The following DAPK1 variants were observed in gnomAD, a reference collection of about 807,000 sequenced individuals.
DAPK1 encodes the protein death-associated protein kinase 1.
A neutral mutation model predicts 144.9 loss-of-function variants in DAPK1; 56 were observed. The observed-to-expected ratio is 0.39, with a 90% CI of 0.31 to 0.48. DAPK1 has a LOEUF of 0.48. DAPK1 is among the 20% of genes least tolerant of loss of function. The pLI, the probability that DAPK1 is intolerant of heterozygous loss-of-function variation, is 0.95. For synonymous variants in DAPK1, 690 were observed against 749.0 expected, an observed-to-expected ratio of 0.92 and a Z score of 1.29; for missense variants, 1,454 against 1,875.4, an observed-to-expected ratio of 0.78 and a Z score of 4.15.
intron 2 of DAPK1, chr9:87,553,496 CTTTTTTTTTT>C (rs869260287): frequency 3.7e-5 from 3 of 80,472 alleles, no homozygotes; most frequent in African/African-American, 1.1e-4. Context: ...CTTTTCTTTT[CTTTTTTTTTT>C]TTTTTTTGAG....
intron 2 of DAPK1, among the ~76,000 whole-genome samples, chr9:87,559,410 G>A (rs576077171): frequency 5.5e-4 from 84 of 152,188 alleles, no homozygotes; most frequent in Admixed American, 1.4e-3. Context: ...GTTCTGTGCC[G>A]CCCAGTGTGG....
At chr9:87,657,907 G>T in intron 17 of DAPK1, 122 bp from the exon 18 acceptor site, 1 of 701,830 alleles carries the variant, frequency 1.4e-6, no homozygotes. Flanking sequence ...CAGGAGAAGG[G>T]AGATGGCTCC....
At chr9:87,655,583 GAAATAA>G (rs1830603556) in intron 17 of DAPK1, among the ~76,000 whole-genome samples, 3 of 152,144 alleles carry the variant, frequency 2.0e-5, no homozygotes, top group Non-Finnish European at 4.4e-5. Flanking sequence ...AGTTCCTCCA[GAAATAA>G]AAATGGCCAT....
chr9:87,658,127 GGT>G lies in DAPK1; in HGVS notation c.1923+2_1923+3del. ...GAGCCAGCGTTGAGGCGCTGACCACGGTGAGTGCCCACAGGGCTTCGTGAAGG... is the reference window on the plus strand; with the variant it reads ...GAGCCAGCGTTGAGGCGCTGACCACGGAGTGCCCACAGGGCTTCGTGAAGG... On this transcript the variant is annotated splice_donor_variant, in intron 18 of 25. Transcript: ENST00000408954. LOFTEE classifies it high-confidence loss of function. 1 of 1,274,796 alleles carries G rather than the reference GGT, an allele frequency of 7.8e-7. No homozygotes were observed. Among genetic ancestry groups the G allele is most frequent in the Non-Finnish European group, 1.1e-6 (1 of 873,316 alleles). 79.0% of individuals were successfully genotyped at this position (1,274,796 alleles called of 1,614,324 possible). A position where few individuals can be genotyped will look rare whatever the true frequency, so the allele number is the denominator to read the frequency against.
chr9:87,564,786 C>A (rs1400873597), intron 2 of DAPK1, among the ~76,000 whole-genome samples: 4 of 152,180 alleles, frequency 2.6e-5, no homozygotes, highest in African/African-American at 9.7e-5. Context: ...CACCTCTTAA[C>A]GGTCTCACCT....
intron 2 of DAPK1, among the ~76,000 whole-genome samples, chr9:87,564,839 C>T (rs1290558404): frequency 6.6e-6 from 1 of 152,146 alleles, no homozygotes; most frequent in Non-Finnish European, 1.5e-5. Flanking sequence ...AACACATCAA[C>T]TTGGGGAACA....
intron 3 of DAPK1, among the ~76,000 whole-genome samples, chr9:87,624,514 A>C (rs1050263132): frequency 3.3e-5 from 5 of 152,232 alleles, no homozygotes; most frequent in Non-Finnish European, 5.9e-5. Flanking sequence ...ATTCAAGGCG[A>C]TGCAGCAAAA....
chr9:87,618,881 A>C (rs1829192388), intron 3 of DAPK1, among the ~76,000 whole-genome samples: 1 of 152,202 alleles, frequency 6.6e-6, no homozygotes, highest in Non-Finnish European at 1.5e-5. Flanking sequence ...TGAGTGGTAC[A>C]CTTTAAAAGA....
intron 20 of DAPK1, chr9:87,681,877 T>C: frequency 1.8e-6 from 1 of 554,186 alleles, no homozygotes; most frequent in Non-Finnish European, 3.2e-6. Flanking sequence ...GACACAAAGG[T>C]CCATCCTCAT....
Position 87,648,727 on chromosome 9 carries a change from C to T in DAPK1, c.1330-54C>T, listed in dbSNP as rs947085324. The T allele has an allele frequency of 1.1e-5, 16 of 1,518,872 alleles. 1 individual carries two copies. The South Asian group carries it at 1.6e-4, about 15-fold the overall frequency. The allele number at this position is 1,518,872 out of a possible 1,614,324, so 94.1% of individuals were successfully genotyped here. On this transcript the variant is annotated intron_variant, in intron 14 of 25. Coordinates refer to ENST00000408954, the MANE Select transcript of DAPK1 (RefSeq NM_004938.4). ...GGGTGTAGGCCTTGGGTTCTGGTCT[C>T]CATAGCCTGCTCACAGATGTGGCTC...
At chr9:87,509,716 C>G (rs918349159) in intron 2 of DAPK1, among the ~76,000 whole-genome samples, 1 of 152,208 alleles carries the variant, frequency 6.6e-6, no homozygotes, top group Non-Finnish European at 1.5e-5. Context: ...AATTGTCTTC[C>G]TAGATATTGG....
intron 2 of DAPK1, among the ~76,000 whole-genome samples, chr9:87,528,427 A>G (rs1226714310): frequency 6.6e-6 from 1 of 152,050 alleles, no homozygotes; most frequent in African/African-American, 2.4e-5. Context: ...CACGTTGGCC[A>G]GGCTGGTCTC....
chr9:87,525,253 C>A, intron 2 of DAPK1: 1 of 1,376,044 alleles, frequency 7.3e-7, no homozygotes. Flanking sequence ...CTAAAAAATG[C>A]GTTGAATAGA....
intron 2 of DAPK1, among the ~76,000 whole-genome samples, chr9:87,535,767 T>C (rs139843187): frequency 1.4e-3 from 210 of 152,282 alleles, no homozygotes; most frequent in African/African-American, 4.8e-3. Context: ...TAGGCAACGG[T>C]ATAGTAATAT....
chr9:87,531,479 G>A (rs1416673403), intron 2 of DAPK1, among the ~76,000 whole-genome samples: 4 of 152,214 alleles, frequency 2.6e-5, no homozygotes, highest in Non-Finnish European at 1.5e-5. Context: ...TGTAGGTGGT[G>A]AAGGGAGAAG....
rs201991862 is a variant in DAPK1, at chr9:87,706,565, C to T, written c.3494C>T (p.Ala1165Val). Residue 1165 changes from alanine to valine, a missense_variant, in exon 26 of 26, where the codon GCG (alanine) becomes GTG (valine). Ala to Val is a moderately conservative substitution (Grantham distance 64, BLOSUM62 0). Coordinates refer to ENST00000408954, the MANE Select transcript of DAPK1 (RefSeq NM_004938.4). The surrounding 1 kb of genome is among the most constrained non-coding windows in gnomAD (Gnocchi z 9.0). ...CACCAGCAAAGCACAGAGGGCGACG[C>T]GGACATCCGCCTGTGGGTGAATGGC... ...WIHQQSTEGDADIRLWVNGCK... is the reference protein window; with the variant it reads ...WIHQQSTEGDVDIRLWVNGCK... The T allele has an allele frequency of 2.4e-5, 39 of 1,613,738 alleles. No homozygotes were observed. The East Asian group carries it at 3.1e-4, about 13-fold the overall frequency.
chr9:87,511,477 T>C (rs1824840285), intron 2 of DAPK1, among the ~76,000 whole-genome samples: 2 of 152,074 alleles, frequency 1.3e-5, no homozygotes, highest in South Asian at 2.1e-4. Context: ...GAGATGCATT[T>C]AAGGAAGCAG....
rs1830443451 is a variant in DAPK1 at position 87,651,564 on chromosome 9, G to A, written c.1664G>A (p.Cys555Tyr). Residue 555 changes from cysteine (C) to tyrosine (Y), a missense_variant, in exon 17 of 26, where the codon TGT becomes TAT. Cys to Tyr is a radical substitution (Grantham distance 194). Around this residue, in one of 2 missense-constraint regions of DAPK1, gnomAD observed 1,025 missense variants for 1,237.9 expected, o/e 0.83. Transcript: ENST00000408954. ...HIALHLAVRR[C>Y]QMEVIKTLLS... ...GCCCTTCATCTGGCTGTAAGACGGTGTCAGATGGAGGTAATCAAGACTCTC... is the reference window on the plus strand; with the variant it reads ...GCCCTTCATCTGGCTGTAAGACGGTATCAGATGGAGGTAATCAAGACTCTC... 6.2e-7 allele frequency: 1 copy of A among 1,614,064 alleles called. No individual in the cohort carries two copies. The highest frequency in any genetic ancestry group is 1.3e-5 in the African/African-American group (1 of 74,930).
intron 21 of DAPK1, among the ~76,000 whole-genome samples, chr9:87,691,142 G>C (rs899090571): frequency 6.6e-6 from 1 of 151,830 alleles, no homozygotes; most frequent in Admixed American, 6.6e-5. Flanking sequence ...TCTCTTTTTG[G>C]GGAGGCTTTT....
Sources: allele counts gnomAD v4.1 joint callset (sites outside exome capture counted in the v4.1 genomes callset), GRCh38; gene constraint gnomAD v4.1.1; regional missense constraint gnomAD v4.1.1; non-coding constraint Gnocchi (gnomAD v3.1); transcripts MANE v1.5; gene names NCBI Gene and HGNC (gene_info 2026-07-23, HGNC 2026-07-21).